The following ROR1 variants were observed in gnomAD, a reference collection of about 807,000 sequenced individuals.
ROR1 encodes the protein inactive tyrosine-protein kinase transmembrane receptor ROR1.
In ROR1, 19 loss-of-function variants were observed where a neutral mutation model predicts 78.8. The observed-to-expected ratio is 0.24, with a 90% CI of 0.17 to 0.35. ROR1 has a LOEUF of 0.35. ROR1 is among the 10% of genes least tolerant of loss of function. The pLI, the probability that ROR1 is intolerant of heterozygous loss-of-function variation, is 1.00. For synonymous variants in ROR1, 386 were observed against 433.6 expected, an observed-to-expected ratio of 0.89 and a Z score of 1.36; for missense variants, 917 against 1,177.8, an observed-to-expected ratio of 0.78 and a Z score of 3.24.
At chr1:63,806,526 C>G (rs1644830607) in intron 1 of ROR1, among the ~76,000 whole-genome samples, 2 of 152,140 alleles carry the variant, frequency 1.3e-5, no homozygotes, top group Non-Finnish European at 2.9e-5. Context: ...ACTGCGTTAG[C>G]CAGGATGGTC....
chr1:64,177,269 T>C (rs1354946262), intron 8 of ROR1, among the ~76,000 whole-genome samples, 159 bp from the exon 9 acceptor site: 3 of 152,224 alleles, frequency 2.0e-5, no homozygotes, highest in African/African-American at 7.2e-5. Flanking sequence ...GCACCTCCCC[T>C]GAGTTGCAGC....
At chr1:63,852,296 C>T (rs1050881818) in intron 1 of ROR1, among the ~76,000 whole-genome samples, 3 of 152,164 alleles carry the variant, frequency 2.0e-5, no homozygotes, top group African/African-American at 7.2e-5. Context: ...TGTACCCTTG[C>T]CCTGGCAAAC....
intron 1 of ROR1, among the ~76,000 whole-genome samples, chr1:63,862,391 CAA>C (rs1164915396): frequency 8.8e-4 from 50 of 56,796 alleles, no homozygotes; most frequent in Admixed American, 2.2e-3. Flanking sequence ...GAGACTGTCT[CAA>C]AAAAAAAAAA....
chr1:63,947,038 G>GA (rs1160762110), intron 1 of ROR1, among the ~76,000 whole-genome samples: 1 of 152,132 alleles, frequency 6.6e-6, no homozygotes, highest in Non-Finnish European at 1.5e-5. Flanking sequence ...GGAATCTTGT[G>GA]AAAAAATAGA....
intron 1 of ROR1, among the ~76,000 whole-genome samples, chr1:63,888,710 A>T (rs1452345717): frequency 1.3e-5 from 2 of 152,184 alleles, no homozygotes; most frequent in South Asian, 4.1e-4. Flanking sequence ...TTATTTATAA[A>T]TATAAATGAC....
rs182421588 is a variant in ROR1 at position 63,978,823 on chromosome 1, G to A, written c.92-30482G>A. Among the ~76,000 whole-genome samples the A allele has an allele frequency of 2.6e-3, 398 of 152,320 alleles. 2 individuals are homozygous for A. The highest frequency in any genetic ancestry group is 8.3e-3 in the South Asian group (40 of 4,824). On this transcript the variant is annotated intron_variant, in intron 1 of 8. Transcript: ENST00000371079. ...ATATATATAAAGAGATTTATTACCA[G>A]GAATTGGCTCATGCACTTATGGAGC...
intron 1 of ROR1, among the ~76,000 whole-genome samples, chr1:63,922,563 A>G (rs758303024): frequency 3.9e-5 from 6 of 152,186 alleles, no homozygotes; most frequent in Non-Finnish European, 7.3e-5. Flanking sequence ...TTGTTCCAGA[A>G]TTCTTTGAAT....
Position 64,003,270 on chromosome 1 carries a change from ATTTTTCTTCAAC to A in ROR1, c.92-6034_92-6023del, listed in dbSNP as rs747766472. On this transcript the variant is annotated intron_variant, in intron 1 of 8. Coordinates refer to ENST00000371079, the MANE Select transcript of ROR1 (RefSeq NM_005012.4). ...TAGCACAAATTTTGATATATTATGA[ATTTTTCTTCAAC>A]AAAGTAATGGATTCATCACATATAT... 9.4e-4 allele frequency among the ~76,000 whole-genome samples: 143 copies of A among 151,994 alleles called. 1 individual carries two copies. The highest frequency in any genetic ancestry group is 1.8e-3 in the Non-Finnish European group (125 of 67,996).
chr1:63,855,487 T>C (rs915095423), intron 1 of ROR1, among the ~76,000 whole-genome samples: 10 of 152,200 alleles, frequency 6.6e-5, no homozygotes, highest in Non-Finnish European at 1.5e-5. Flanking sequence ...TGTTTACTTT[T>C]TTAATTCCCT....
intron 4 of ROR1, among the ~76,000 whole-genome samples, chr1:64,085,679 G>A (rs1044056367): frequency 2.0e-5 from 3 of 152,158 alleles, no homozygotes; most frequent in Non-Finnish European, 4.4e-5. Context: ...GGGCAGACCT[G>A]GAGGTGGCCC....
At chr1:63,932,485 A>G (rs1230493798) in intron 1 of ROR1, among the ~76,000 whole-genome samples, 1 of 152,132 alleles carries the variant, frequency 6.6e-6, no homozygotes, top group Non-Finnish European at 1.5e-5. Flanking sequence ...AGGCCTACCA[A>G]TGAGAGTCAT....
chr1:63,810,943 A>T (rs1368832201), intron 1 of ROR1, among the ~76,000 whole-genome samples: 1 of 152,220 alleles, frequency 6.6e-6, no homozygotes, highest in Non-Finnish European at 1.5e-5. Context: ...GAACTCCTGA[A>T]TGTGGACCCC....
At chr1:64,157,801 T>C (rs537203350) in intron 7 of ROR1, among the ~76,000 whole-genome samples, 10 of 152,340 alleles carry the variant, frequency 6.6e-5, no homozygotes, top group African/African-American at 2.4e-4. Context: ...TCATACCTAA[T>C]TTTGTATTCC....
At chr1:64,014,992 A>C (rs371770226) in intron 2 of ROR1, among the ~76,000 whole-genome samples, 1 of 151,440 alleles carries the variant, frequency 6.6e-6, no homozygotes, top group East Asian at 2.0e-4. Flanking sequence ...TGGGAAGAAA[A>C]AGAGGTTTAA....
intron 1 of ROR1, among the ~76,000 whole-genome samples, chr1:63,979,139 A>G (rs1388352563): frequency 6.6e-6 from 1 of 152,186 alleles, no homozygotes; most frequent in Non-Finnish European, 1.5e-5. Flanking sequence ...AAGCACTCTC[A>G]TAGAAATGTC....
chr1:64,143,463 A>G, intron 7 of ROR1: 1 of 956,948 alleles, frequency 1.0e-6, no homozygotes, highest in Non-Finnish European at 1.2e-6. Flanking sequence ...GATATCATAG[A>G]TAATGCCAAG....
At chr1:64,002,130 CCTT>C (rs1488346651) in intron 1 of ROR1, among the ~76,000 whole-genome samples, 1 of 124,670 alleles carries the variant, frequency 8.0e-6, no homozygotes, top group Non-Finnish European at 1.6e-5. Context: ...ACCAGTTCAA[CCTT>C]TTTTTTTTTT....
intron 1 of ROR1, among the ~76,000 whole-genome samples, chr1:63,950,840 TTGATACCACAG>T (rs1378239700): frequency 6.6e-6 from 1 of 152,168 alleles, no homozygotes; most frequent in African/African-American, 2.4e-5. Context: ...TTAAACTATT[TTGATACCACAG>T]TGAAGGGAGC....
chr1:63,849,424 G>A (rs1284357050), intron 1 of ROR1, among the ~76,000 whole-genome samples: 1 of 152,208 alleles, frequency 6.6e-6, no homozygotes, highest in Non-Finnish European at 1.5e-5. Flanking sequence ...AGGGTCAGGA[G>A]CAGTGGCTAA....
Sources: allele counts gnomAD v4.1 joint callset (sites outside exome capture counted in the v4.1 genomes callset), GRCh38; gene constraint gnomAD v4.1.1; transcripts MANE v1.5; gene names NCBI Gene and HGNC (gene_info 2026-07-23, HGNC 2026-07-21).